The following CALCRL variants were observed in gnomAD, a reference collection of about 807,000 sequenced individuals.
The protein encoded by CALCRL is calcitonin gene-related peptide type 1 receptor.
CALCRL carries 27 observed loss-of-function variants against 60.4 expected under a neutral mutation model. The observed-to-expected ratio is 0.45, with a 90% CI of 0.33 to 0.62. The LOEUF is 0.62. Among genes scored for constraint, CALCRL ranks in the 20% least tolerant of loss-of-function variants. The pLI is 0.03. For missense variants in CALCRL, 424 were observed against 540.7 expected, an observed-to-expected ratio of 0.78 and a Z score of 2.14; for synonymous variants, 190 against 182.6, an observed-to-expected ratio of 1.04 and a Z score of -0.33.
intron 1 of CALCRL, among the ~76,000 whole-genome samples, chr2:187,408,649 G>C (rs1357834082): frequency 4.0e-5 from 6 of 151,636 alleles, no homozygotes; most frequent in African/African-American, 9.7e-5. Context: ...TTTTGTTTTT[G>C]CTCTTGGGAT....
At position 187,344,407 on chromosome 2, in the gene CALCRL, A is replaced by T. The variant is rs1427067692; in HGVS notation, c.*1777T>A. The T allele has an allele frequency of 6.6e-6, 1 of 151,650 alleles. No individual in the cohort carries two copies. The highest frequency in any genetic ancestry group is 1.5e-5 in the Non-Finnish European group (1 of 67,666). The allele number at this position is 151,650 out of a possible 1,614,324, so 9.4% of individuals were successfully genotyped here. On this transcript the variant is annotated 3_prime_UTR_variant, in exon 15 of 15. Coordinates refer to ENST00000392370, the MANE Select transcript of CALCRL (RefSeq NM_005795.6). ...GCTTAAGAAACAACTTATGATGAGT[A>T]ATTTGTTTCATCCATTTTAATCAGA...
rs549237458 is a variant in CALCRL, at chr2:187,375,345, C to T, written c.500+3595G>A. On this transcript the variant is annotated intron_variant, in intron 8 of 14. Coordinates refer to ENST00000392370, the MANE Select transcript of CALCRL (RefSeq NM_005795.6). Reference sequence around the variant, plus strand: ...CTGCATACCTCTTATACTAACTTGCCACTGAAAAATTCTTTTTTTTCCTTT... The same window carrying T: ...CTGCATACCTCTTATACTAACTTGCTACTGAAAAATTCTTTTTTTTCCTTT... 3.3e-5 allele frequency among the ~76,000 whole-genome samples: 5 copies of T among 151,352 alleles called. No individual in the cohort carries two copies. The South Asian group carries it at 8.4e-4, about 25-fold the overall frequency.
intron 1 of CALCRL, among the ~76,000 whole-genome samples, chr2:187,433,818 T>C (rs1033679935): frequency 1.3e-5 from 2 of 152,080 alleles, no homozygotes; most frequent in Non-Finnish European, 2.9e-5. Flanking sequence ...AGAAATATAC[T>C]GGTTAAATTC....
rs560002316 is a variant in CALCRL at position 187,441,324 on chromosome 2, T to A, written c.-293+6715A>T. On this transcript the variant is annotated intron_variant, in intron 1 of 14. Transcript: ENST00000392370. Reference sequence around the variant, plus strand: ...ATCTAATTTTTCAGACATTAAGAGATCTGATTTACCAGGTTTTGTCATTTT... The same window carrying A: ...ATCTAATTTTTCAGACATTAAGAGAACTGATTTACCAGGTTTTGTCATTTT... Among the ~76,000 whole-genome samples, 3 of 152,170 alleles carry A rather than the reference T, an allele frequency of 2.0e-5. No individual in the cohort carries two copies. The South Asian group carries it at 6.2e-4, about 32-fold the overall frequency.
chr2:187,422,961 T>C (rs1427607041), intron 1 of CALCRL, among the ~76,000 whole-genome samples: 1 of 151,956 alleles, frequency 6.6e-6, no homozygotes, highest in Admixed American at 6.6e-5. Flanking sequence ...GATATAAATA[T>C]AGGGATTTTG....
intron 8 of CALCRL, among the ~76,000 whole-genome samples, chr2:187,366,427 C>T (rs1687295753): frequency 6.6e-6 from 1 of 151,862 alleles, no homozygotes; most frequent in Non-Finnish European, 1.5e-5. Context: ...ATTTTCCCAA[C>T]ACAAAGAAAT....
In CALCRL at chr2:187,358,958, G is replaced by A; in HGVS notation, c.909+105C>T. ...TCATTTAAGCACTGTGAACATGCAT[G>A]TCCATCTGTGTCCACTGGGACCCTG... On this transcript the variant is annotated intron_variant, in intron 12 of 14. Coordinates refer to ENST00000392370, the MANE Select transcript of CALCRL (RefSeq NM_005795.6). 14 of 868,954 alleles carry A rather than the reference G, an allele frequency of 1.6e-5. No homozygotes were observed. In the South Asian group the frequency reaches 1.9e-4, roughly 12 times the overall value. The allele number at this position is 868,954 out of a possible 1,614,324, so 53.8% of individuals were successfully genotyped here.
chr2:187,415,931 C>T (rs532663741), intron 1 of CALCRL: 8 of 221,242 alleles, frequency 3.6e-5, no homozygotes, highest in Admixed American at 1.7e-4. Context: ...CACTCAGTCC[C>T]CCACCACACT....
chr2:187,425,809 AGTT>A (rs1233759101), intron 1 of CALCRL, among the ~76,000 whole-genome samples: 1 of 152,034 alleles, frequency 6.6e-6, no homozygotes, highest in African/African-American at 2.4e-5. Context: ...CTGACAGATC[AGTT>A]GTAAAGCATG....
In CALCRL at chr2:187,383,290, C is replaced by G; in HGVS notation, c.67G>C (p.Glu23Gln). 1 of 1,601,746 alleles carries G rather than the reference C, an allele frequency of 6.2e-7. No homozygotes were observed. The highest frequency in any genetic ancestry group is 8.5e-7 in the Non-Finnish European group (1 of 1,176,024). The part of the protein sequence containing the change: ...LPFFMILVTA[E>Q]LEESPEDSIQ... ...GAGTCCTCAGGACTCTCTTCTAATT[C>G]TGCTGTAACAAGAATCTAAGGGATT... The change falls in exon 5 of 15, where the codon GAA becomes CAA. Residue 23 changes from glutamate (E) to glutamine (Q), a missense_variant. By Grantham distance (29) the Glu-to-Gln change is conservative. Transcript: ENST00000392370.
At position 187,352,346 on chromosome 2, in the gene CALCRL, T is replaced by A. The variant is rs2105699337; in HGVS notation, c.910-14A>T. On this transcript the variant is annotated splice_polypyrimidine_tract_variant and intron_variant, in intron 12 of 14. Transcript: ENST00000392370. Reference sequence around the variant, plus strand: ...AAAAAGATTCACCTAAAAACGAAATTAAATGGCATCTGAAAATCATTTCAT... The same window carrying A: ...AAAAAGATTCACCTAAAAACGAAATAAAATGGCATCTGAAAATCATTTCAT... 6.9e-7 allele frequency: 1 copy of A among 1,447,218 alleles called. No homozygotes were observed. The highest frequency in any genetic ancestry group is 9.7e-7 in the Non-Finnish European group (1 of 1,032,282). 89.6% of individuals were successfully genotyped at this position (1,447,218 alleles called of 1,614,324 possible). A position where few individuals can be genotyped will look rare whatever the true frequency, so the allele number is the denominator to read the frequency against.
chr2:187,346,254 T>G lies in CALCRL; in HGVS notation c.1316A>C (p.Glu439Ala). 1 of 1,612,260 alleles carries G rather than the reference T, an allele frequency of 6.2e-7. No individual in the cohort carries two copies. The highest frequency in any genetic ancestry group is 1.1e-5 in the South Asian group (1 of 91,010). The part of the protein sequence containing the change: ...GPGYSHDCPS[E>A]HLNGKSIHDI... ...ATGGATGCTTTTTCCATTTAAGTGTTCACTAGGACAGTCATGACTATAACC... is the reference window on the plus strand; with the variant it reads ...ATGGATGCTTTTTCCATTTAAGTGTGCACTAGGACAGTCATGACTATAACC... Residue 439 changes from glutamate (E) to alanine (A), a missense_variant, in exon 15 of 15, where the codon GAA (glutamate) becomes GCA (alanine). This residue lies in a region of CALCRL where 222 missense variants were observed against 265.6 expected (regional missense o/e 0.84). Coordinates refer to ENST00000392370, the MANE Select transcript of CALCRL (RefSeq NM_005795.6).
chr2:187,374,546 G>C (rs962672338), intron 8 of CALCRL, among the ~76,000 whole-genome samples: 2 of 152,130 alleles, frequency 1.3e-5, no homozygotes, highest in Non-Finnish European at 2.9e-5. Flanking sequence ...GCTTCAATTA[G>C]AGTATCACCT....
At chr2:187,364,472 T>G (rs766465246) in intron 8 of CALCRL, among the ~76,000 whole-genome samples, 75 of 148,808 alleles carry the variant, frequency 5.0e-4, no homozygotes, top group South Asian at 1.9e-3. Context: ...GTGTGTGTGT[T>G]TTTTTTTTAA....
At chr2:187,379,351 C>T (rs1270330096) in intron 7 of CALCRL, among the ~76,000 whole-genome samples, 1 of 151,696 alleles carries the variant, frequency 6.6e-6, no homozygotes, top group African/African-American at 2.4e-5. Context: ...CTATATGAAA[C>T]TAGTATTTTA....
At chr2:187,423,362 G>GTTT (rs77362361) in intron 1 of CALCRL, among the ~76,000 whole-genome samples, 2 of 142,094 alleles carry the variant, frequency 1.4e-5, no homozygotes, top group Non-Finnish European at 1.5e-5. Flanking sequence ...TGTATGTATG[G>GTTT]TTTTTTTTTT....
chr2:187,409,964 A>C (rs1689288022), intron 1 of CALCRL, among the ~76,000 whole-genome samples: 1 of 152,182 alleles, frequency 6.6e-6, no homozygotes, highest in Non-Finnish European at 1.5e-5. Flanking sequence ...TGCAGGGACC[A>C]CACTAAGCAG....
intron 8 of CALCRL, among the ~76,000 whole-genome samples, chr2:187,373,699 T>C (rs1210328365): frequency 6.6e-6 from 1 of 152,214 alleles, no homozygotes; most frequent in Non-Finnish European, 1.5e-5. Flanking sequence ...ATCTCACTGA[T>C]AACACTGCCA....
chr2:187,425,237 C>T (rs2192826), intron 1 of CALCRL, among the ~76,000 whole-genome samples: 7,081 of 151,880 alleles, frequency 0.047, 235 homozygotes, highest in African/African-American at 0.086. Context: ...TAAATGTTGA[C>T]AACTTATGTT....
Sources: gnomAD v4.1 joint callset for allele counts (sites outside exome capture counted in the v4.1 genomes callset) on GRCh38, gnomAD v4.1.1 for gene constraint, gnomAD v4.1.1 regional missense constraint, MANE v1.5 for transcripts, NCBI Gene and HGNC (gene_info 2026-07-23, HGNC 2026-07-21) for gene names.